ZNF200: variants seen among roughly 807,000 people sequenced by gnomAD.
ZNF200 encodes the protein zinc finger protein 200.
In ZNF200, 35 loss-of-function variants were observed where a neutral mutation model predicts 33.6. The observed-to-expected ratio is 1.04, with a 90% confidence interval of 0.80 to 1.38. The LOEUF (loss-of-function observed/expected upper bound fraction) is 1.38. Among genes scored for constraint, ZNF200 ranks in the 40% most tolerant of loss-of-function variants. ZNF200 has a pLI of 0.00. For synonymous variants in ZNF200, 209 were observed against 167.7 expected (o/e 1.25, Z -1.90); for missense variants, 592 against 470.6 (o/e 1.26, Z -2.39).
chr16:3,232,736 C>A, intron 3 of ZNF200, 97 bp downstream of exon 3: 1 of 1,448,862 alleles, frequency 6.9e-7, no homozygotes, highest in South Asian at 1.2e-5. Context: ...AGAAAAACAC[C>A]CAAGAAGGCC....
chr16:3,234,026 GAA>G, intron 1 of ZNF200, 190 bp from the exon 2 acceptor site: 1 of 326,850 alleles, frequency 3.1e-6, no homozygotes, highest in Non-Finnish European at 5.5e-6. Context: ...TCCTGAGAAT[GAA>G]AAACAGAGAC....
chr16:3,229,500 A>C (rs543543786), intron 4 of ZNF200, among the ~76,000 whole-genome samples: 1 of 152,332 alleles, frequency 6.6e-6, no homozygotes, highest in East Asian at 1.9e-4. Context: ...TATCAAAAAA[A>C]GACTAGCCAC....
chr16:3,224,719 G>C, intron 4 of ZNF200, 106 bp from the exon 5 acceptor site: 1 of 1,420,374 alleles, frequency 7.0e-7, no homozygotes, highest in Non-Finnish European at 9.4e-7. Context: ...CGTCAATCTG[G>C]GGAGTGGCGG....
At position 3,232,462 on chromosome 16, in the gene ZNF200, T is replaced by A; in HGVS notation, c.425A>T (p.Glu142Val). 1.2e-6 allele frequency: 2 copies of A among 1,614,134 alleles called. No homozygotes were observed. Among genetic ancestry groups the A allele is most frequent in the Non-Finnish European group, 1.7e-6 (2 of 1,179,990 alleles). The change falls in exon 4 of 5, where the codon GAG (glutamate) becomes GTG (valine). Residue 142 changes from glutamate to valine, a missense_variant. Glu to Val is a moderately radical substitution (Grantham distance 121, BLOSUM62 -2). Transcript: ENST00000414144. Reference sequence around the variant, plus strand: ...CCCGACACTGCTGTCATCTTCCTTCTCTGACGTGAGTTGTTGAGTAGGATC... The same window carrying A: ...CCCGACACTGCTGTCATCTTCCTTCACTGACGTGAGTTGTTGAGTAGGATC... ...SLDPTQQLTSEKEDDSSVGEM... is the reference protein window; with the variant it reads ...SLDPTQQLTSVKEDDSSVGEM...
Position 3,224,143 on chromosome 16 carries a change from A to G in ZNF200, c.937T>C (p.Cys313Arg). ...TGEKPYSCSQ[C>R]GKNFRQNSHR... ...GAATTCTGACGGAAGTTTTTTCCAC[A>G]CTGAGAACAGGAATAAGGTTTCTCT... is the stretch of plus-strand genomic sequence containing the variant. The change falls in exon 5 of 5, where the codon TGT (cysteine) becomes CGT (arginine). Residue 313 changes from cysteine (C) to arginine (R), a missense_variant. Transcript: ENST00000414144. 6.2e-7 allele frequency: 1 copy of G among 1,614,110 alleles called. No individual in the cohort carries two copies. Among genetic ancestry groups the G allele is most frequent in the Non-Finnish European group, 8.5e-7 (1 of 1,180,026 alleles).
intron 4 of ZNF200, among the ~76,000 whole-genome samples, chr16:3,228,708 G>C (rs977527263): frequency 6.6e-6 from 1 of 151,750 alleles, no homozygotes; most frequent in Non-Finnish European, 1.5e-5. Flanking sequence ...TGCTATGTTG[G>C]ACAGGCTGGT....
At position 3,232,459 on chromosome 16, in the gene ZNF200, T is replaced by C; in HGVS notation, c.428A>G (p.Lys143Arg). Residue 143 changes from lysine (K) to arginine (R), a missense_variant, in exon 4 of 5, where the codon AAG becomes AGG. Coordinates refer to ENST00000414144, the MANE Select transcript of ZNF200 (RefSeq NM_198088.3). ...TTCCCCGACACTGCTGTCATCTTCC[T>C]TCTCTGACGTGAGTTGTTGAGTAGG... ...LDPTQQLTSEKEDDSSVGEMM... is the reference protein window; with the variant it reads ...LDPTQQLTSEREDDSSVGEMM... 1 of 1,614,132 alleles carries C rather than the reference T, an allele frequency of 6.2e-7. No homozygotes were observed. Among genetic ancestry groups the C allele is most frequent in the Non-Finnish European group, 8.5e-7 (1 of 1,179,998 alleles).
rs1958676370 is a variant in ZNF200 at position 3,232,865 on chromosome 16, T to C, written c.307A>G (p.Thr103Ala). 1 of 1,613,842 alleles carries C rather than the reference T, an allele frequency of 6.2e-7. No homozygotes were observed. Among genetic ancestry groups the C allele is most frequent in the Middle Eastern group, 1.7e-4 (1 of 6,054 alleles). Residue 103 changes from threonine to alanine, a missense_variant, in exon 3 of 5, where the codon ACA becomes GCA. Coordinates refer to ENST00000414144, the MANE Select transcript of ZNF200 (RefSeq NM_198088.3). ...TTAGCTTTCAAATACAGAGACACTG[T>C]CTCTTGTTCCTTTTGGACTCCTTTG... ...LPKGVQKEQE[T>A]VSLYLKANPE...
Position 3,223,734 on chromosome 16 carries a change from C to A in ZNF200, c.*158G>T. On this transcript the variant is annotated 3_prime_UTR_variant, in exon 5 of 5. Transcript: ENST00000414144. ...GTTTTCTTCCCTGTGAATTTTCTAGCAATTTGAGGTTTTAGCTAAGATGGG... is the reference window on the plus strand; with the variant it reads ...GTTTTCTTCCCTGTGAATTTTCTAGAAATTTGAGGTTTTAGCTAAGATGGG... The A allele has an allele frequency of 2.6e-6, 3 of 1,136,366 alleles. No homozygotes were observed. Among genetic ancestry groups the A allele is most frequent in the South Asian group, 3.3e-5 (2 of 60,130 alleles). 70.4% of individuals were successfully genotyped at this position (1,136,366 alleles called of 1,614,324 possible).
intron 4 of ZNF200, among the ~76,000 whole-genome samples, chr16:3,229,245 A>G (rs929644350): frequency 2.6e-5 from 4 of 152,210 alleles, no homozygotes; most frequent in African/African-American, 4.8e-5. Context: ...GGACAAGTGT[A>G]TATCAGAATT....
intron 1 of ZNF200, 165 bp from the exon 2 acceptor site, chr16:3,234,001 G>T: frequency 2.5e-6 from 1 of 402,626 alleles, no homozygotes; most frequent in Non-Finnish European, 4.3e-6. Flanking sequence ...TGCTTAGGAA[G>T]ATGTGAAAGG....
At chr16:3,229,338 A>T (rs191239766) in intron 4 of ZNF200, among the ~76,000 whole-genome samples, 5 of 152,288 alleles carry the variant, frequency 3.3e-5, no homozygotes, top group Admixed American at 2.0e-4. Context: ...AGAATAATAA[A>T]GCCTCTGATT....
At chr16:3,226,756 C>G (rs956761606) in intron 4 of ZNF200, 1 of 152,148 alleles carries the variant, frequency 6.6e-6, no homozygotes, top group African/African-American at 2.4e-5. Flanking sequence ...GTTGCTATAT[C>G]TGTAGGTCAG....
Position 3,223,358 on chromosome 16 carries a change from AG to A in ZNF200, c.*533del, listed in dbSNP as rs1389758155. Reference sequence around the variant, plus strand: ...ATTCAACTGTTTTCCTATATTCCAAAGTAAACAATTCCTTTCAACACTCAAG... The same window carrying A: ...ATTCAACTGTTTTCCTATATTCCAAATAAACAATTCCTTTCAACACTCAAG... On this transcript the variant is annotated 3_prime_UTR_variant, in exon 5 of 5. Coordinates refer to ENST00000414144, the MANE Select transcript of ZNF200 (RefSeq NM_198088.3). 1 of 152,460 alleles carries A rather than the reference AG, an allele frequency of 6.6e-6. No individual in the cohort carries two copies. The highest frequency in any genetic ancestry group is 1.5e-5 in the Non-Finnish European group (1 of 68,196). 9.4% of individuals were successfully genotyped at this position (152,460 alleles called of 1,614,324 possible).
chr16:3,224,853 A>C, intron 4 of ZNF200: 4 of 529,090 alleles, frequency 7.6e-6, no homozygotes, highest in Admixed American at 7.1e-5. Flanking sequence ...TCACTGAAAG[A>C]CTTCAAATGT....
At position 3,222,714 on chromosome 16, in the gene ZNF200, A is replaced by C. The variant is rs1045030236; in HGVS notation, c.*1178T>G. The C allele has an allele frequency of 6.6e-6, 1 of 152,198 alleles. No homozygotes were observed. The highest frequency in any genetic ancestry group is 2.4e-5 in the African/African-American group (1 of 41,438). The allele number at this position is 152,198 out of a possible 1,614,324, so 9.4% of individuals were successfully genotyped here. On this transcript the variant is annotated 3_prime_UTR_variant, in exon 5 of 5. Transcript: ENST00000414144. ...CAAAACTGAAGAATCCCTAAATCGC[A>C]CCACACGATCAGTCCGTAAAGGCAC...
At chr16:3,233,175 G>C (rs1958690418) in intron 2 of ZNF200, among the ~76,000 whole-genome samples, 1 of 152,174 alleles carries the variant, frequency 6.6e-6, no homozygotes, top group African/African-American at 2.4e-5. Flanking sequence ...GGAGAGCTTA[G>C]GGCAACGTAA....
intron 3 of ZNF200, 60 bp from the exon 4 acceptor site, chr16:3,232,607 G>A: frequency 6.3e-7 from 1 of 1,589,712 alleles, no homozygotes; most frequent in Non-Finnish European, 8.5e-7. Flanking sequence ...AGCCCTACTG[G>A]TAAGAAAAGC....
Position 3,223,956 on chromosome 16 carries a change from C to T in ZNF200, c.1124G>A (p.Arg375Gln), listed in dbSNP as rs767123896. 18 of 1,613,986 alleles carry T rather than the reference C, an allele frequency of 1.1e-5. No homozygotes were observed. Among genetic ancestry groups the T allele is most frequent in the African/African-American group, 1.3e-5 (1 of 74,906 alleles). Residue 375 changes from arginine to glutamine, a missense_variant, in exon 5 of 5, where the codon CGG becomes CAG. Physicochemically the swap from Arg to Gln is conservative, Grantham distance 43 (BLOSUM62 1). Coordinates refer to ENST00000414144, the MANE Select transcript of ZNF200 (RefSeq NM_198088.3). ...CTCATGCCGGGTACAGTTTGACAGCCGACCAAATCTTCTCCCACATTTTTT... is the reference window on the plus strand; with the variant it reads ...CTCATGCCGGGTACAGTTTGACAGCTGACCAAATCTTCTCCCACATTTTTT... ...GCKKCGRRFG[R>Q]LSNCTRHEKT... is the part of the protein sequence containing the mutation.
Sources: gnomAD v4.1 joint callset for allele counts (sites outside exome capture counted in the v4.1 genomes callset) on GRCh38, gnomAD v4.1.1 for gene constraint, MANE v1.5 for transcripts, NCBI Gene and HGNC (gene_info 2026-07-23, HGNC 2026-07-21) for gene names.